The following BANK1 variants were observed in gnomAD, a reference collection of about 807,000 sequenced individuals.
The protein encoded by BANK1 is B cell scaffold protein with ankyrin repeats 1, also known as B-cell scaffold protein with ankyrin repeats.
A neutral mutation model predicts 94.5 loss-of-function variants in BANK1; 95 were observed. The observed-to-expected ratio is 1.00, with a 90% CI of 0.85 to 1.19. The LOEUF (loss-of-function observed/expected upper bound fraction) is 1.19, where lower values mean the gene tolerates loss of function less well. Ranked by LOEUF, BANK1 falls within the 50% of genes most tolerant of loss-of-function variation. The pLI is 0.00. For missense variants in BANK1, 987 were observed against 932.2 expected (o/e 1.06, Z -0.77); for synonymous variants, 334 against 308.4 (o/e 1.08, Z -0.87).
intron 6 of BANK1, among the ~76,000 whole-genome samples, chr4:101,902,462 TTGGAAG>T (rs1467148952): frequency 6.6e-6 from 1 of 152,216 alleles, no homozygotes; most frequent in Non-Finnish European, 1.5e-5. Context: ...TAAAGGGTAT[TTGGAAG>T]TTAGCATGAT....
At chr4:101,844,904 T>A (rs1727189162) in intron 2 of BANK1, among the ~76,000 whole-genome samples, 1 of 149,798 alleles carries the variant, frequency 6.7e-6, no homozygotes, top group African/African-American at 2.5e-5. Context: ...CTGGGAAGGG[T>A]CCTTTTTTAA....
At chr4:101,854,420 A>T (rs1179933523) in intron 2 of BANK1, among the ~76,000 whole-genome samples, 1 of 152,226 alleles carries the variant, frequency 6.6e-6, no homozygotes, top group Non-Finnish European at 1.5e-5. Flanking sequence ...CAAAATTTAC[A>T]TTAGCATATT....
At chr4:101,812,277 C>G (rs548320178) in intron 1 of BANK1, among the ~76,000 whole-genome samples, 30 of 151,822 alleles carry the variant, frequency 2.0e-4, no homozygotes, top group Admixed American at 2.0e-4. Flanking sequence ...TTTTAAGTGT[C>G]TGTTGCTGAT....
intron 1 of BANK1, among the ~76,000 whole-genome samples, chr4:101,791,635 TA>T (rs983628131): frequency 1.1e-4 from 16 of 152,366 alleles, no homozygotes; most frequent in Non-Finnish European, 1.6e-4. Flanking sequence ...TTTTTTAAAT[TA>T]AAAAACTTCA....
intron 3 of BANK1, 111 bp downstream of exon 3, chr4:101,855,300 A>G: frequency 9.5e-7 from 1 of 1,056,740 alleles, no homozygotes; most frequent in Non-Finnish European, 1.3e-6. Context: ...GCTGGTCTTT[A>G]ACTCCTGGCC....
At chr4:101,807,151 A>C (rs1725580777) in intron 1 of BANK1, among the ~76,000 whole-genome samples, 1 of 152,188 alleles carries the variant, frequency 6.6e-6, no homozygotes, top group African/African-American at 2.4e-5. Context: ...GTGCTTTGCA[A>C]ATTTCAGTTA....
At chr4:101,802,075 G>A (rs1725372459) in intron 1 of BANK1, among the ~76,000 whole-genome samples, 1 of 152,150 alleles carries the variant, frequency 6.6e-6, no homozygotes. Flanking sequence ...AAAAATGCCT[G>A]TCCTTACTTA....
intron 7 of BANK1, among the ~76,000 whole-genome samples, chr4:101,936,239 T>C (rs976710522): frequency 2.2e-5 from 3 of 135,460 alleles, no homozygotes; most frequent in Admixed American, 1.8e-4. Context: ...ATATGATATG[T>C]ATACATATAT....
At chr4:101,917,294 CATTT>C (rs1476015424) in intron 6 of BANK1, among the ~76,000 whole-genome samples, 11 of 151,898 alleles carry the variant, frequency 7.2e-5, no homozygotes, top group Admixed American at 2.0e-4. Context: ...AACCATCATT[CATTT>C]GTGTTTTATT....
At chr4:101,867,752 T>TA (rs933007024) in intron 4 of BANK1, among the ~76,000 whole-genome samples, 52 of 137,622 alleles carry the variant, frequency 3.8e-4, no homozygotes, top group South Asian at 1.3e-3. Flanking sequence ...AAAGTATAAT[T>TA]AAAAAAAATA....
chr4:101,886,091 T>C (rs748929678), intron 5 of BANK1, among the ~76,000 whole-genome samples: 2 of 152,234 alleles, frequency 1.3e-5, no homozygotes, highest in African/African-American at 4.8e-5. Flanking sequence ...ACCAAAATAT[T>C]CTTATGCATT....
chr4:101,893,488 G>A (rs890464765), intron 5 of BANK1, among the ~76,000 whole-genome samples: 3 of 151,974 alleles, frequency 2.0e-5, no homozygotes, highest in African/African-American at 7.2e-5. Context: ...CATGGCCATT[G>A]ACACAAATTT....
chr4:101,973,134 G>C (rs112922758), intron 7 of BANK1, among the ~76,000 whole-genome samples: 3,317 of 151,968 alleles, frequency 0.022, 45 homozygotes, highest in African/African-American at 0.037. Flanking sequence ...TTTTCTAAGA[G>C]ACTAAATTTC....
intron 2 of BANK1, among the ~76,000 whole-genome samples, chr4:101,843,515 T>G (rs1013339448): frequency 6.6e-6 from 1 of 152,214 alleles, no homozygotes; most frequent in African/African-American, 2.4e-5. Flanking sequence ...TAGGAATGCT[T>G]TCCCATAACC....
intron 7 of BANK1, among the ~76,000 whole-genome samples, chr4:101,945,476 G>A (rs909909343): frequency 6.6e-6 from 1 of 151,902 alleles, no homozygotes; most frequent in South Asian, 2.1e-4. Context: ...TACAGATAAA[G>A]CTCACATCTT....
intron 7 of BANK1, among the ~76,000 whole-genome samples, chr4:102,013,517 A>G (rs1303029646): frequency 6.6e-6 from 1 of 152,030 alleles, no homozygotes; most frequent in African/African-American, 2.4e-5. Context: ...AGAGTACCTT[A>G]CATATCATAG....
intron 1 of BANK1, among the ~76,000 whole-genome samples, chr4:101,827,692 T>C (rs1385273040): frequency 6.6e-6 from 1 of 151,956 alleles, no homozygotes; most frequent in Non-Finnish European, 1.5e-5. Flanking sequence ...TGGCTGGATT[T>C]TCCTCTATTA....
chr4:101,936,292 T>C (rs1402522629), intron 7 of BANK1, among the ~76,000 whole-genome samples: 3 of 150,430 alleles, frequency 2.0e-5, no homozygotes, highest in Non-Finnish European at 4.5e-5. Context: ...TACACATATA[T>C]GCACACATAC....
At chr4:101,913,733 C>T (rs1004863231) in intron 6 of BANK1, among the ~76,000 whole-genome samples, 1 of 152,202 alleles carries the variant, frequency 6.6e-6, no homozygotes, top group African/African-American at 2.4e-5. Flanking sequence ...GAAACCCCCA[C>T]CTCTCCAATT....
Sources: gnomAD v4.1 joint callset for allele counts (sites outside exome capture counted in the v4.1 genomes callset) on GRCh38, gnomAD v4.1.1 for gene constraint, MANE v1.5 for transcripts, NCBI Gene and HGNC (gene_info 2026-07-23, HGNC 2026-07-21) for gene names.